Variants in FLG observed in about 807,000 individuals in gnomAD.
FLG encodes epidermal filaggrin.
FLG carries 6 observed loss-of-function variants against 3.8 expected under a neutral mutation model. That is an observed-to-expected ratio of 1.60 (90% confidence interval 0.87 to 3.15). The LOEUF is 3.15. Among genes scored for constraint, FLG ranks in the 30% most tolerant of loss-of-function variants. The pLI, the probability that FLG is intolerant of heterozygous loss-of-function variation, is 0.00. For synonymous variants in FLG, 2,551 were observed against 1,931.6 expected, an observed-to-expected ratio of 1.32 and a Z score of -8.41; for missense variants, 7,595 against 5,050.9, an observed-to-expected ratio of 1.50 and a Z score of -15.27.
chr1:152,307,186 A>G lies in FLG; in HGVS notation c.7700T>C (p.Phe2567Ser), dbSNP rs764250530. ...PRTSRNWGSSFSQDSDSQGHS... is the reference protein window; with the variant it reads ...PRTSRNWGSSSSQDSDSQGHS... ...TCCCTGACTGTCACTGTCCTGGCTA[A>G]AACTGGATCCCCAGTTCCTGCTTGT... The change falls in exon 3 of 3, where the codon TTT becomes TCT. Residue 2567 changes from phenylalanine to serine, a missense_variant. By Grantham distance (155) the Phe-to-Ser change is radical. Coordinates refer to ENST00000368799, the MANE Select transcript of FLG (RefSeq NM_002016.2). 10 of 1,612,404 alleles carry G rather than the reference A, an allele frequency of 6.2e-6. No individual in the cohort carries two copies. Among genetic ancestry groups the G allele is most frequent in the South Asian group, 2.2e-5 (2 of 91,054 alleles).
At position 152,303,910 on chromosome 1, in the gene FLG, G is replaced by C. The variant is rs199655799; in HGVS notation, c.10976C>G (p.Ser3659Cys). 1 of 1,607,046 alleles carries C rather than the reference G, an allele frequency of 6.2e-7. No homozygotes were observed. Among genetic ancestry groups the C allele is most frequent in the Non-Finnish European group, 8.5e-7 (1 of 1,178,380 alleles). ...SAVRDSGHRGSSGSQASDSEG... is the reference protein window; with the variant it reads ...SAVRDSGHRGCSGSQASDSEG... ...ACTGTCACTGGCCTGACTACCACTGGACCCTCGGTGTCCACTGTCTCTGAC... is the reference window on the plus strand; with the variant it reads ...ACTGTCACTGGCCTGACTACCACTGCACCCTCGGTGTCCACTGTCTCTGAC... The change falls in exon 3 of 3, where the codon TCC becomes TGC. Residue 3659 changes from serine (S) to cysteine (C), a missense_variant. Coordinates refer to ENST00000368799, the MANE Select transcript of FLG (RefSeq NM_002016.2).
intron 1 of FLG, among the ~76,000 whole-genome samples, chr1:152,320,726 A>T (rs3120659): frequency 6.6e-6 from 1 of 150,716 alleles, no homozygotes; most frequent in East Asian, 1.9e-4. Context: ...TACATTGAAC[A>T]CTACACCTAA....
In FLG at chr1:152,308,288, C is replaced by G. The variant is rs1369201002; in HGVS notation, c.6598G>C (p.Gly2200Arg). ...SRKTYDKEQS[G>R]DGSRHSGSHH... ...GACCCTGAGTGCCTAGAGCCATCTC[C>G]TGATTGTTCCTTGTCATATGTTTTT... The change falls in exon 3 of 3, where the codon GGA becomes CGA. Residue 2200 changes from glycine to arginine, a missense_variant. By Grantham distance (125) the Gly-to-Arg change is moderately radical. Transcript: ENST00000368799. 1 of 1,613,596 alleles carries G rather than the reference C, an allele frequency of 6.2e-7. No individual in the cohort carries two copies. Among genetic ancestry groups the G allele is most frequent in the East Asian group, 2.2e-5 (1 of 44,854 alleles).
chr1:152,307,315 C>A lies in FLG; in HGVS notation c.7571G>T (p.Gly2524Val). ...CGACCCTGAGTGCCTGGAGCCGTCT[C>A]CTGATTGTTCATCGTTACGAGTTTG... ...SRQTRNDEQS[G>V]DGSRHSGSRH... The change falls in exon 3 of 3, where the codon GGA becomes GTA. Residue 2524 changes from glycine to valine, a missense_variant. Gly to Val is a moderately radical substitution (Grantham distance 109). Transcript: ENST00000368799. 3 of 1,613,536 alleles carry A rather than the reference C, an allele frequency of 1.9e-6. No homozygotes were observed. The highest frequency in any genetic ancestry group is 2.5e-6 in the Non-Finnish European group (3 of 1,179,952).
Position 152,308,157 on chromosome 1 carries a change from A to G in FLG, c.6729T>C (p.Val2243=), listed in dbSNP as rs1287092034. 6.2e-7 allele frequency: 1 copy of G among 1,613,900 alleles called. No individual in the cohort carries two copies. The highest frequency in any genetic ancestry group is 8.5e-7 in the Non-Finnish European group (1 of 1,179,962). Residue 2243 remains valine (V), a synonymous_variant, in exon 3 of 3, where the codon GTT becomes GTC. Coordinates refer to ENST00000368799, the MANE Select transcript of FLG (RefSeq NM_002016.2). The part of the protein sequence containing the change: ...PRTSRPRGSS[V]SQDSDSEGHS... ...GTCCCTCACTGTCACTGTCCTGGCT[A>G]ACACTGGATCCCCGGGGCCTGCTTG...
chr1:152,309,848 T>A lies in FLG; in HGVS notation c.5038A>T (p.Arg1680Ter). Residue 1680 changes from arginine (R) to a stop codon, truncating the protein, a stop_gained, in exon 3 of 3, where the codon AGA becomes TGA. Coordinates refer to ENST00000368799, the MANE Select transcript of FLG (RefSeq NM_002016.2). LOFTEE classifies it low-confidence loss of function (END_TRUNC). ...GACTGCTGGTGGCGGGATCCATGTC[T>A]TTCTCCTGGACTTGACCTTGCCTGT... ...QEQARSSPGE[R>*]HGSRHQQSAD... is the part of the protein sequence containing the mutation. 1 of 1,614,134 alleles carries A rather than the reference T, an allele frequency of 6.2e-7. No individual in the cohort carries two copies. Among genetic ancestry groups the A allele is most frequent in the Non-Finnish European group, 8.5e-7 (1 of 1,180,020 alleles).
chr1:152,306,963 T>G lies in FLG; in HGVS notation c.7923A>C (p.Ser2641=). The G allele has an allele frequency of 6.5e-7, 1 of 1,541,030 alleles. No individual in the cohort carries two copies. The highest frequency in any genetic ancestry group is 8.8e-7 in the Non-Finnish European group (1 of 1,131,488). ...CACTTGATCTTGCCTGTTCATGGGA[T>G]GATGCAGCCTGTCCACCAGAGGAAG... is the stretch of plus-strand genomic sequence containing the variant. ...TQTSSGGQAA[S]SHEQARSSAG... is the part of the protein sequence containing the mutation. Residue 2641 remains serine (S), a synonymous_variant, in exon 3 of 3, where the codon TCA becomes TCC. Coordinates refer to ENST00000368799, the MANE Select transcript of FLG (RefSeq NM_002016.2).
chr1:152,304,635 C>T lies in FLG; in HGVS notation c.10251G>A (p.Gln3417=), dbSNP rs1373277273. The change falls in exon 3 of 3, where the codon CAG becomes CAA. Residue 3417 remains glutamine, a synonymous_variant. Coordinates refer to ENST00000368799, the MANE Select transcript of FLG (RefSeq NM_002016.2). ...CTGAGTGCCTGGAGCTGTCTCGTGC[C>T]TGCTCGTGGTGGGATCCTTGTCTTC... ...TGRRQGSHHE[Q]ARDSSRHSAS... The T allele has an allele frequency of 2.2e-5, 36 of 1,612,618 alleles. No homozygotes were observed. The highest frequency in any genetic ancestry group is 4.4e-5 in the South Asian group (4 of 90,872).
In FLG at chr1:152,308,443, C is replaced by A. The variant is rs578140359; in HGVS notation, c.6443G>T (p.Gly2148Val). 1.9e-6 allele frequency: 3 copies of A among 1,613,684 alleles called. No homozygotes were observed. Among genetic ancestry groups the A allele is most frequent in the Non-Finnish European group, 2.5e-6 (3 of 1,179,856 alleles). ...TTGCTCTTGGTGGGACCCCTGTCTTCCTCCTCTGCTTGGCCCCGGGTGTCC... is the reference window on the plus strand; with the variant it reads ...TTGCTCTTGGTGGGACCCCTGTCTTACTCCTCTGCTTGGCCCCGGGTGTCC... ...IRGHPGPSRG[G>V]RQGSHQEQSV... Residue 2148 changes from glycine (G) to valine (V), a missense_variant, in exon 3 of 3, where the codon GGA (glycine) becomes GTA (valine). By Grantham distance (109) the Gly-to-Val change is moderately radical. Transcript: ENST00000368799.
intron 1 of FLG, among the ~76,000 whole-genome samples, chr1:152,320,898 T>C (rs1652941233): frequency 6.6e-6 from 1 of 150,972 alleles, no homozygotes; most frequent in Non-Finnish European, 1.5e-5. Context: ...TCTTTAAGTG[T>C]TTGAAAATTA....
At position 152,313,244 on chromosome 1, in the gene FLG, G is replaced by A; in HGVS notation, c.1642C>T (p.His548Tyr). 6.2e-7 allele frequency: 1 copy of A among 1,613,938 alleles called. No homozygotes were observed. Residue 548 changes from histidine to tyrosine, a missense_variant, in exon 3 of 3, where the codon CAC becomes TAC. Coordinates refer to ENST00000368799, the MANE Select transcript of FLG (RefSeq NM_002016.2). Reference sequence around the variant, plus strand: ...TCAGACCTTCCCTGGGATGTGGTGTGGCTGTGATGGGAACCTGAGTGTCCA... The same window carrying A: ...TCAGACCTTCCCTGGGATGTGGTGTAGCTGTGATGGGAACCTGAGTGTCCA... ...RSGHSGSHHSHTTSQGRSDAS... is the reference protein window; with the variant it reads ...RSGHSGSHHSYTTSQGRSDAS...
At position 152,309,371 on chromosome 1, in the gene FLG, A is replaced by T; in HGVS notation, c.5515T>A (p.Ser1839Thr). 1.2e-6 allele frequency: 2 copies of T among 1,613,730 alleles called. No homozygotes were observed. The highest frequency in any genetic ancestry group is 1.7e-6 in the Non-Finnish European group (2 of 1,179,970). Residue 1839 changes from serine to threonine, a missense_variant, in exon 3 of 3, where the codon TCA becomes ACA. Physicochemically the swap from Ser to Thr is moderately conservative, Grantham distance 58. Transcript: ENST00000368799. ...YEQSVDSSGH[S>T]GSHHSHTTSQ... ...GTGGTGTGGCTGTGATGAGACCCTG[A>T]GTGTCCAGAACTATCTACCGATTGC...
Position 152,303,974 on chromosome 1 carries a change from T to C in FLG, c.10912A>G (p.Arg3638Gly), listed in dbSNP as rs1014552907. ...TGTCCGTGCCCAATGCCTGAGTGTC[T>C]GGAGCTGTCTGCTGACTGCTGGTGG... ...SHHQQSADSS[R>G]HSGIGHGQAS... Residue 3638 changes from arginine (R) to glycine (G), a missense_variant, in exon 3 of 3, where the codon AGA (arginine) becomes GGA (glycine). Physicochemically the swap from Arg to Gly is moderately radical, Grantham distance 125. Coordinates refer to ENST00000368799, the MANE Select transcript of FLG (RefSeq NM_002016.2). The C allele has an allele frequency of 3.1e-6, 5 of 1,613,896 alleles. No individual in the cohort carries two copies. Among genetic ancestry groups the C allele is most frequent in the Non-Finnish European group, 3.4e-6 (4 of 1,180,018 alleles).
At chr1:152,321,297 A>G (rs1283889497) in intron 1 of FLG, among the ~76,000 whole-genome samples, 2 of 150,930 alleles carry the variant, frequency 1.3e-5, no homozygotes, top group African/African-American at 4.8e-5. Context: ...AGAACAAATT[A>G]AGCCCTAAGA....
In FLG at chr1:152,309,164, G is replaced by T. The variant is rs141653633; in HGVS notation, c.5722C>A (p.Pro1908Thr). The T allele has an allele frequency of 2.5e-6, 4 of 1,613,228 alleles. No homozygotes were observed. Among genetic ancestry groups the T allele is most frequent in the South Asian group, 2.2e-5 (2 of 91,042 alleles). ...GATCCCTGGTTCCTGCTTGTCCTGG[G>T]CCCTGATGATTGTCCCTGGCCCACC... The part of the protein sequence containing the change: ...SQVGQGQSSG[P>T]RTSRNQGSSV... Residue 1908 changes from proline to threonine, a missense_variant, in exon 3 of 3, where the codon CCC (proline) becomes ACC (threonine). Physicochemically the swap from Pro to Thr is conservative, Grantham distance 38 (BLOSUM62 -1). Coordinates refer to ENST00000368799, the MANE Select transcript of FLG (RefSeq NM_002016.2).
chr1:152,311,908 G>A lies in FLG; in HGVS notation c.2978C>T (p.Ala993Val). The change falls in exon 3 of 3, where the codon GCC (alanine) becomes GTC (valine). Residue 993 changes from alanine to valine, a missense_variant. By Grantham distance (64) the Ala-to-Val change is moderately conservative (BLOSUM62 0). Coordinates refer to ENST00000368799, the MANE Select transcript of FLG (RefSeq NM_002016.2). ...RHPRSHHEDRAGHGHSADSSR... is the reference protein window; with the variant it reads ...RHPRSHHEDRVGHGHSADSSR... ...GCTGTCTGCAGAGTGCCCGTGACCG[G>A]CTCTGTCTTCGTGATGGGACCTGGG... 6.2e-7 allele frequency: 1 copy of A among 1,614,134 alleles called. No homozygotes were observed. Among genetic ancestry groups the A allele is most frequent in the African/African-American group, 1.3e-5 (1 of 75,036 alleles).
At position 152,305,167 on chromosome 1, in the gene FLG, C is replaced by T. The variant is rs188183903; in HGVS notation, c.9719G>A (p.Arg3240His). The stretch of plus-strand genomic sequence containing the variant: ...CCTTGACTGCTCCTGAACAGATCCA[C>T]GATGGTTTCTGGAAGCAGACCCAGA... ...RWSGSASRNH[R>H]GSVQEQSRHG... is the part of the protein sequence containing the mutation. The change falls in exon 3 of 3, where the codon CGT becomes CAT. Residue 3240 changes from arginine (R) to histidine (H), a missense_variant. Transcript: ENST00000368799. 1.1e-4 allele frequency: 173 copies of T among 1,613,606 alleles called. 1 individual carries two copies. In the East Asian group the frequency reaches 2.8e-3, roughly 26 times the overall value.
chr1:152,310,169 G>C lies in FLG; in HGVS notation c.4717C>G (p.His1573Asp), dbSNP rs201173562. 37 of 1,613,888 alleles carry C rather than the reference G, an allele frequency of 2.3e-5. No individual in the cohort carries two copies. The highest frequency in any genetic ancestry group is 1.2e-4 in the Admixed American group (7 of 60,004). Reference sequence around the variant, plus strand: ...GATTCTCCCTGGCCCACCTGTGAGTGTCTAGAGCTGCCGGCCCGAGTGGAA... The same window carrying C: ...GATTCTCCCTGGCCCACCTGTGAGTCTCTAGAGCTGCCGGCCCGAGTGGAA... Reference protein sequence around the residue: ...EPSTRAGSSRHSQVGQGESAG... With the variant: ...EPSTRAGSSRDSQVGQGESAG... The change falls in exon 3 of 3, where the codon CAC becomes GAC. Residue 1573 changes from histidine to aspartate, a missense_variant. His to Asp is a moderately conservative substitution (Grantham distance 81). Coordinates refer to ENST00000368799, the MANE Select transcript of FLG (RefSeq NM_002016.2).
In FLG at chr1:152,307,587, G is replaced by C; in HGVS notation, c.7299C>G (p.Thr2433=). The C allele has an allele frequency of 6.2e-7, 1 of 1,613,510 alleles. No individual in the cohort carries two copies. The highest frequency in any genetic ancestry group is 8.5e-7 in the Non-Finnish European group (1 of 1,179,872). ...QSESAHGRTG[T]STGGRQGSHH... ...GGGATCCTTGTCTTCCTCCAGTGCT[G>C]GTCCCGGTCCGTCCATGGGCGGACT... The change falls in exon 3 of 3, where the codon ACC becomes ACG. Residue 2433 remains threonine, a synonymous_variant. Transcript: ENST00000368799.
Sources: gnomAD v4.1 joint callset for allele counts (sites outside exome capture counted in the v4.1 genomes callset) on GRCh38, gnomAD v4.1.1 for gene constraint, MANE v1.5 for transcripts, NCBI Gene and HGNC (gene_info 2026-07-23, HGNC 2026-07-21) for gene names.